AKAP12: variants seen among roughly 807,000 people sequenced by gnomAD.
AKAP12 encodes A-kinase anchor protein 12.
A neutral mutation model predicts 79.9 loss-of-function variants in AKAP12; 32 were observed. The ratio of observed to expected loss-of-function variants is 0.40; its 90% confidence interval spans 0.30 to 0.54. The LOEUF (loss-of-function observed/expected upper bound fraction) is 0.54, where lower values mean the gene tolerates loss of function less well. Among genes scored for constraint, AKAP12 ranks in the 20% least tolerant of loss-of-function variants. AKAP12 has a pLI of 0.48. For missense variants in AKAP12, 2,074 were observed against 2,177.0 expected (o/e 0.95, Z 0.94); for synonymous variants, 808 against 857.0 (o/e 0.94, Z 1.00).
At chr6:151,275,930 C>T (rs1318540249) in intron 2 of AKAP12, among the ~76,000 whole-genome samples, 2 of 152,248 alleles carry the variant, frequency 1.3e-5, no homozygotes, top group African/African-American at 2.4e-5. Context: ...ATCATCTGGA[C>T]ATCCAGACTG....
Position 151,277,946 on chromosome 6 carries a change from G to A in AKAP12, c.163-27801G>A, listed in dbSNP as rs11752080. Among the ~76,000 whole-genome samples, 267 of 10,724 alleles carry A rather than the reference G, an allele frequency of 0.025. No individual in the cohort carries two copies. The East Asian group carries it at 0.27, about 11-fold the overall frequency. 7.0% of individuals were successfully genotyped at this position (10,724 alleles called of 152,430 possible). A position where few individuals can be genotyped will look rare whatever the true frequency, so the allele number is the denominator to read the frequency against. On this transcript the variant is annotated intron_variant, in intron 2 of 4. Coordinates refer to ENST00000402676, the MANE Select transcript of AKAP12 (RefSeq NM_005100.4). ...CTTAGGCAATAGCTAATAGGTTTAT[G>A]TGTGTGTGTGTGTGTGTGTGTGTGT...
chr6:151,314,603 C>T (rs1457726997), intron 3 of AKAP12, among the ~76,000 whole-genome samples: 1 of 152,112 alleles, frequency 6.6e-6, no homozygotes, highest in East Asian at 1.9e-4. Flanking sequence ...AGCTGCTTGC[C>T]CTAAAGATTT....
intron 2 of AKAP12, 83 bp from the exon 3 acceptor site, chr6:151,305,664 T>G: frequency 7.5e-7 from 1 of 1,330,808 alleles, no homozygotes; most frequent in Non-Finnish European, 1.0e-6. Flanking sequence ...TTTCACTGGT[T>G]TGTATTCTGG....
intron 2 of AKAP12, among the ~76,000 whole-genome samples, chr6:151,250,560 G>C (rs1029015289): frequency 1.3e-5 from 2 of 151,640 alleles, no homozygotes; most frequent in African/African-American, 4.8e-5. Context: ...TTTAAGCTTA[G>C]CTTGTTTTCT....
Position 151,350,206 on chromosome 6 carries a change from A to C in AKAP12, c.1815A>C (p.Glu605Asp). Residue 605 changes from glutamate to aspartate, a missense_variant, in exon 4 of 5, where the codon GAA (glutamate) becomes GAC (aspartate). Transcript: ENST00000402676. The surrounding 1 kb of genome is among the most constrained non-coding windows in gnomAD (Gnocchi z 4.8). ...GATSDGEKKR[E>D]GVTPWASFKK... ...CTTCCGATGGAGAGAAAAAAAGAGA[A>C]GGTGTCACTCCCTGGGCATCATTCA... is the stretch of plus-strand genomic sequence containing the variant. 6.2e-7 allele frequency: 1 copy of C among 1,613,946 alleles called. No homozygotes were observed. Among genetic ancestry groups the C allele is most frequent in the South Asian group, 1.1e-5 (1 of 91,068 alleles).
chr6:151,335,308 T>C (rs12213009), intron 3 of AKAP12, among the ~76,000 whole-genome samples: 12,018 of 152,274 alleles, frequency 0.079, 480 homozygotes, highest in Middle Eastern at 0.23. Context: ...AGTCGTTCTA[T>C]TCTGAAGAAA....
chr6:151,263,954 C>T (rs939425326), intron 2 of AKAP12, among the ~76,000 whole-genome samples: 3 of 152,190 alleles, frequency 2.0e-5, no homozygotes, highest in Non-Finnish European at 4.4e-5. Flanking sequence ...TGCATCTCTC[C>T]ACCTAGGATG....
chr6:151,303,519 A>G (rs1052512308), intron 2 of AKAP12, among the ~76,000 whole-genome samples: 22 of 152,212 alleles, frequency 1.4e-4, no homozygotes, highest in African/African-American at 4.8e-4. Flanking sequence ...GGTGAAATCA[A>G]TTTAGCACAA....
At position 151,350,526 on chromosome 6, in the gene AKAP12, A is replaced by G; in HGVS notation, c.2135A>G (p.Gln712Arg). Residue 712 changes from glutamine (Q) to arginine (R), a missense_variant, in exon 4 of 5, where the codon CAG becomes CGG. By Grantham distance (43) the Gln-to-Arg change is conservative. This residue lies in a region of AKAP12 where 1,428 missense variants were observed against 1,451.0 expected (regional missense o/e 0.98). Transcript: ENST00000402676. The surrounding 1 kb of genome is among the most constrained non-coding windows in gnomAD (Gnocchi z 4.8). ...GGPKAMGGDHQKADEAGKDKE... is the reference protein window; with the variant it reads ...GGPKAMGGDHRKADEAGKDKE... ...CCAAAAGCAATGGGAGGAGACCACC[A>G]GAAAGCTGATGAGGCCGGAAAAGAC... is the stretch of plus-strand genomic sequence containing the variant. 3 of 1,614,158 alleles carry G rather than the reference A, an allele frequency of 1.9e-6. No homozygotes were observed. The highest frequency in any genetic ancestry group is 2.5e-6 in the Non-Finnish European group (3 of 1,180,036).
chr6:151,251,916 G>GA (rs1797184508), intron 2 of AKAP12, among the ~76,000 whole-genome samples: 1 of 152,166 alleles, frequency 6.6e-6, no homozygotes, highest in Non-Finnish European at 1.5e-5. Context: ...AGAAACCCTT[G>GA]AACCCGGGAG....
chr6:151,315,362 G>A (rs78991219), intron 3 of AKAP12, among the ~76,000 whole-genome samples: 4 of 152,242 alleles, frequency 2.6e-5, no homozygotes, highest in African/African-American at 9.6e-5. Flanking sequence ...GAAGGGCAGA[G>A]GGGACAAACA....
chr6:151,300,503 A>C (rs903449240), intron 2 of AKAP12, among the ~76,000 whole-genome samples: 1 of 152,140 alleles, frequency 6.6e-6, no homozygotes, highest in African/African-American at 2.4e-5. Flanking sequence ...TCAAGGGCTC[A>C]TCATTTCACA....
chr6:151,354,652 G>A (rs1228767734), intron 4 of AKAP12, among the ~76,000 whole-genome samples: 5 of 151,948 alleles, frequency 3.3e-5, no homozygotes, highest in Non-Finnish European at 2.9e-5. Context: ...GATTACAGGT[G>A]TGAGCCACCA....
chr6:151,340,488 C>T (rs1777918925), intron 3 of AKAP12, among the ~76,000 whole-genome samples: 1 of 152,186 alleles, frequency 6.6e-6, no homozygotes, highest in Non-Finnish European at 1.5e-5. Context: ...GCAGACTGTC[C>T]TCCCAAGTGG....
chr6:151,270,168 T>G (rs543192696), intron 2 of AKAP12, among the ~76,000 whole-genome samples: 35 of 152,332 alleles, frequency 2.3e-4, no homozygotes, highest in Non-Finnish European at 4.4e-4. Context: ...GTGATTCTCC[T>G]GCCTCAGCCT....
intron 2 of AKAP12, among the ~76,000 whole-genome samples, chr6:151,302,571 A>G (rs1329219589): frequency 1.3e-5 from 2 of 152,218 alleles, no homozygotes; most frequent in Admixed American, 6.5e-5. Flanking sequence ...GGCAATTCAC[A>G]GAGGATTATA....
At position 151,249,575 on chromosome 6, in the gene AKAP12, C is replaced by G. The variant is rs1269360884; in HGVS notation, c.162+8851C>G. Among the ~76,000 whole-genome samples the G allele has an allele frequency of 2.0e-5, 3 of 152,314 alleles. No homozygotes were observed. The South Asian group carries it at 6.2e-4, about 32-fold the overall frequency. ...AGTTCTAAAAAAGTTAAAGTTCTCT[C>G]TTTCATATATTTAGATCTTTATTCC... On this transcript the variant is annotated intron_variant, in intron 2 of 4. Coordinates refer to ENST00000402676, the MANE Select transcript of AKAP12 (RefSeq NM_005100.4).
chr6:151,250,199 C>CA (rs1562705949), intron 2 of AKAP12, among the ~76,000 whole-genome samples: 1 of 151,502 alleles, frequency 6.6e-6, no homozygotes, highest in African/African-American at 2.4e-5. Context: ...GACCCTGTCT[C>CA]AAAAAAATAA....
At chr6:151,254,298 G>A (rs896675035) in intron 2 of AKAP12, among the ~76,000 whole-genome samples, 9 of 152,010 alleles carry the variant, frequency 5.9e-5, no homozygotes, top group Non-Finnish European at 1.2e-4. Flanking sequence ...TATTTTCTTT[G>A]TAAAACCTTC....
Sources: gnomAD v4.1 joint callset for allele counts (sites outside exome capture counted in the v4.1 genomes callset) on GRCh38, gnomAD v4.1.1 for gene constraint, gnomAD v4.1.1 regional missense constraint, Gnocchi (gnomAD v3.1) non-coding constraint, MANE v1.5 for transcripts, NCBI Gene and HGNC (gene_info 2026-07-23, HGNC 2026-07-21) for gene names.